RECK: variants seen among roughly 807,000 people sequenced by gnomAD.
RECK encodes the protein reversion-inducing cysteine-rich protein with Kazal motifs.
In RECK, 69 loss-of-function variants were observed where a neutral mutation model predicts 115.1. That is an observed-to-expected ratio of 0.60 (90% CI 0.49 to 0.73). The LOEUF (loss-of-function observed/expected upper bound fraction) is 0.73. Ranked by LOEUF, RECK falls within the 30% of genes least tolerant of loss-of-function variation. RECK has a pLI of 0.00. For missense variants in RECK, 1,047 were observed against 1,203.7 expected, an observed-to-expected ratio of 0.87 and a Z score of 1.93; for synonymous variants, 414 against 419.7, an observed-to-expected ratio of 0.99 and a Z score of 0.17.
At chr9:36,082,189 C>CTCTCTCTCTCTCTCA (rs1228719052) in intron 7 of RECK, among the ~76,000 whole-genome samples, 3 of 55,540 alleles carry the variant, frequency 5.4e-5, no homozygotes, top group Admixed American at 1.8e-4. Flanking sequence ...TCTCTCTCTC[C>CTCTCTCTCTCTCTCA]TTTTTTCTTT....
chr9:36,069,428 C>G (rs1822140353), intron 6 of RECK, among the ~76,000 whole-genome samples: 1 of 145,010 alleles, frequency 6.9e-6, no homozygotes, highest in African/African-American at 2.6e-5. Context: ...TAAATCCCAG[C>G]TACTCGGGAG....
chr9:36,105,974 G>A (rs759241541), intron 13 of RECK, among the ~76,000 whole-genome samples: 1 of 152,134 alleles, frequency 6.6e-6, no homozygotes, highest in Non-Finnish European at 1.5e-5. Context: ...AGCACTTTGG[G>A]AGGCCAAGGC....
chr9:36,072,557 A>G (rs1222890529), intron 6 of RECK: 2 of 152,224 alleles, frequency 1.3e-5, no homozygotes, highest in African/African-American at 4.8e-5. Context: ...CAGGACCTAA[A>G]AGTAAAGCAT....
In RECK at chr9:36,052,343, A is replaced by G; in HGVS notation, c.159+20A>G. On this transcript the variant is annotated intron_variant, in intron 2 of 20. Coordinates refer to ENST00000377966, the MANE Select transcript of RECK (RefSeq NM_021111.3). ...GAACAGGTAAGATTACATAATAATT[A>G]CAGAGGCAGCCAGACACAGTGGTTC... is the stretch of plus-strand genomic sequence containing the variant. The G allele has an allele frequency of 3.2e-6, 5 of 1,576,798 alleles. No individual in the cohort carries two copies. The highest frequency in any genetic ancestry group is 4.4e-6 in the Non-Finnish European group (5 of 1,146,520).
intron 6 of RECK, among the ~76,000 whole-genome samples, chr9:36,078,055 GA>G (rs1014651997): frequency 6.6e-6 from 1 of 152,062 alleles, no homozygotes; most frequent in Admixed American, 6.5e-5. Flanking sequence ...GTAGGTAAAT[GA>G]AAAAAATAAT....
chr9:36,060,160 G>A lies in RECK; in HGVS notation c.271+5G>A. 1 of 1,612,814 alleles carries A rather than the reference G, an allele frequency of 6.2e-7. No homozygotes were observed. Among genetic ancestry groups the A allele is most frequent in the Non-Finnish European group, 8.5e-7 (1 of 1,179,192 alleles). ...GTATGAATTCATCTTTGCCAGGTAA[G>A]CAATAAAAGTGTAACATTTAGCACT... On this transcript the variant is annotated splice_donor_5th_base_variant and intron_variant, in intron 4 of 20. Coordinates refer to ENST00000377966, the MANE Select transcript of RECK (RefSeq NM_021111.3).
At chr9:36,112,012 A>C (rs1824066804) in intron 15 of RECK, among the ~76,000 whole-genome samples, 1 of 149,264 alleles carries the variant, frequency 6.7e-6, no homozygotes, top group Non-Finnish European at 1.5e-5. Flanking sequence ...AGTCCCAGCT[A>C]CTCCGGAGGC....
In RECK at chr9:36,107,997, C is replaced by G; in HGVS notation, c.1598C>G (p.Ser533Cys). The G allele has an allele frequency of 6.2e-7, 1 of 1,612,354 alleles. No homozygotes were observed. The highest frequency in any genetic ancestry group is 8.5e-7 in the Non-Finnish European group (1 of 1,179,376). ...ACAGGTTGCAAACTGGGAGAAGCTTCTGATTTCATTGTCCGTCAAGGGACA... is the reference window on the plus strand; with the variant it reads ...ACAGGTTGCAAACTGGGAGAAGCTTGTGATTTCATTGTCCGTCAAGGGACA... ...CVQGCKLGEA[S>C]DFIVRQGTLI... The change falls in exon 14 of 21, where the codon TCT becomes TGT. Residue 533 changes from serine to cysteine, a missense_variant. Coordinates refer to ENST00000377966, the MANE Select transcript of RECK (RefSeq NM_021111.3).
At chr9:36,086,772 C>T (rs1822983318) in intron 8 of RECK, among the ~76,000 whole-genome samples, 1 of 152,208 alleles carries the variant, frequency 6.6e-6, no homozygotes, top group Non-Finnish European at 1.5e-5. Flanking sequence ...CTTCACCTCT[C>T]AATATGGTGT....
At chr9:36,097,871 C>T (rs367548437) in intron 10 of RECK, among the ~76,000 whole-genome samples, 5 of 152,232 alleles carry the variant, frequency 3.3e-5, no homozygotes, top group South Asian at 2.1e-4. Context: ...GAAATCCTGT[C>T]GTTTGCAACA....
In RECK at chr9:36,073,989, G is replaced by T. The variant is rs960932381; in HGVS notation, c.406-6616G>T. Among the ~76,000 whole-genome samples the T allele has an allele frequency of 6.6e-5, 10 of 152,168 alleles. 1 individual carries two copies. The highest frequency in any genetic ancestry group is 6.2e-4 in the South Asian group (3 of 4,820). On this transcript the variant is annotated intron_variant, in intron 6 of 20. Transcript: ENST00000377966. ...CCATGGGTGGAGGTATTTGCAGCGT[G>T]AACATCAGCAAATACTGCAAATCCA...
intron 1 of RECK, among the ~76,000 whole-genome samples, chr9:36,043,543 CT>C (rs1404130158): frequency 6.6e-6 from 1 of 151,676 alleles, no homozygotes; most frequent in Non-Finnish European, 1.5e-5. Flanking sequence ...ATGTATTTAT[CT>C]TTGATTTTGT....
At chr9:36,037,769 G>A (rs1049825061) in intron 1 of RECK, among the ~76,000 whole-genome samples, 2 of 151,924 alleles carry the variant, frequency 1.3e-5, no homozygotes, top group African/African-American at 4.8e-5. Flanking sequence ...AAGCTCTCTC[G>A]GTAGGAGATG....
chr9:36,053,330 C>T lies in RECK; in HGVS notation c.159+1007C>T, dbSNP rs1821384100. On this transcript the variant is annotated intron_variant, in intron 2 of 20. Transcript: ENST00000377966. ...CTCGAGAAACAATAGTCTCAATCAT[C>T]TTTTAGAGGAGTCTTCAAGTAATAA... Among the ~76,000 whole-genome samples, 7 of 152,264 alleles carry T rather than the reference C, an allele frequency of 4.6e-5. No individual in the cohort carries two copies. The South Asian group carries it at 1.5e-3, about 32-fold the overall frequency.
intron 8 of RECK, chr9:36,085,777 CTG>C (rs996600975): frequency 1.3e-5 from 2 of 152,084 alleles, no homozygotes; most frequent in South Asian, 4.1e-4. Context: ...AGTAGCAGTA[CTG>C]TGTGCCTTGT....
At chr9:36,086,033 A>C (rs1490563312) in intron 8 of RECK, 1 of 152,174 alleles carries the variant, frequency 6.6e-6, no homozygotes, top group Non-Finnish European at 1.5e-5. Context: ...ATACAGAGGA[A>C]TCTGGAAAAG....
chr9:36,086,112 G>A (rs1451462075), intron 8 of RECK: 3 of 152,216 alleles, frequency 2.0e-5, no homozygotes, highest in Non-Finnish European at 2.9e-5. Context: ...AAGCCCTTCT[G>A]AATTCTGTAA....
chr9:36,057,302 A>G (rs1821567634), intron 2 of RECK, among the ~76,000 whole-genome samples: 1 of 152,212 alleles, frequency 6.6e-6, no homozygotes, highest in Non-Finnish European at 1.5e-5. Context: ...AAAGTAATTA[A>G]GAACAGTTTA....
intron 13 of RECK, 103 bp downstream of exon 13, chr9:36,105,386 G>C: frequency 8.9e-7 from 1 of 1,119,960 alleles, no homozygotes; most frequent in Non-Finnish European, 1.3e-6. Context: ...CTGTAATATA[G>C]GGGTTATCTT....
Sources: gnomAD v4.1 joint callset for allele counts (sites outside exome capture counted in the v4.1 genomes callset) on GRCh38, gnomAD v4.1.1 for gene constraint, MANE v1.5 for transcripts, NCBI Gene and HGNC (gene_info 2026-07-23, HGNC 2026-07-21) for gene names.